CAPN7: variants seen among roughly 807,000 people sequenced by gnomAD.
The protein encoded by CAPN7 is calpain-7.
In CAPN7, 72 loss-of-function variants were observed where a neutral mutation model predicts 115.2. That is an observed-to-expected ratio of 0.63 (90% CI 0.52 to 0.76). The LOEUF (loss-of-function observed/expected upper bound fraction) is 0.76. Ranked by LOEUF, CAPN7 falls within the 30% of genes least tolerant of loss-of-function variation. CAPN7 has a pLI of 0.00. For missense variants in CAPN7, 905 were observed against 971.5 expected (o/e 0.93, Z 0.91); for synonymous variants, 344 against 322.3 (o/e 1.07, Z -0.72).
In CAPN7 at chr3:15,218,450, T is replaced by C. The variant is rs960311387; in HGVS notation, c.370-23T>C. ...TGAAAAATAATTATGCTTTAAAATG[T>C]CTGTCTCTTTCTTTCTCTTAAGTCT... On this transcript the variant is annotated intron_variant, in intron 3 of 20. Transcript: ENST00000253693. 5 of 1,556,358 alleles carry C rather than the reference T, an allele frequency of 3.2e-6. No individual in the cohort carries two copies. The South Asian group carries it at 4.6e-5, about 14-fold the overall frequency.
chr3:15,241,624 A>T (rs1402649497), intron 15 of CAPN7, 36 bp downstream of exon 15: 7 of 1,586,952 alleles, frequency 4.4e-6, no homozygotes, highest in East Asian at 2.2e-5. Context: ...CCATACAGAA[A>T]TTTTTTTAAT....
At chr3:15,247,728 A>G (rs1176250217) in intron 19 of CAPN7, among the ~76,000 whole-genome samples, 1 of 152,220 alleles carries the variant, frequency 6.6e-6, no homozygotes, top group African/African-American at 2.4e-5. Context: ...TACAGCTTCT[A>G]GATGATAATG....
chr3:15,240,441 T>A, intron 12 of CAPN7, 32 bp from the exon 13 acceptor site: 2 of 1,596,328 alleles, frequency 1.3e-6, no homozygotes, highest in Non-Finnish European at 1.7e-6. Context: ...GTTTTACAAC[T>A]TAATGTTATC....
Position 15,229,005 on chromosome 3 carries a change from C to CA in CAPN7, c.885dup (p.Leu296ThrfsTer8). 1.9e-6 allele frequency: 3 copies of CA among 1,613,216 alleles called. No individual in the cohort carries two copies. The highest frequency in any genetic ancestry group is 2.5e-6 in the Non-Finnish European group (3 of 1,179,378). On this transcript the variant is annotated frameshift_variant, in exon 8 of 21. Coordinates refer to ENST00000253693, the MANE Select transcript of CAPN7 (RefSeq NM_014296.3). LOFTEE classifies it high-confidence loss of function. ...GTATCGGATTGCTCCTTTGTGGCATCACTGGCCATCAGTGCAGCTTATGAA... is the reference window on the plus strand; with the variant it reads ...GTATCGGATTGCTCCTTTGTGGCATCAACTGGCCATCAGTGCAGCTTATGAA...
At chr3:15,221,176 AT>A in intron 5 of CAPN7, 195 bp downstream of exon 5, 1 of 430,988 alleles carries the variant, frequency 2.3e-6, no homozygotes, top group Non-Finnish European at 4.1e-6. Flanking sequence ...ATTTTATTTT[AT>A]TATTTTCATT....
chr3:15,230,056 A>G (rs1336874944), intron 8 of CAPN7, among the ~76,000 whole-genome samples: 4 of 152,194 alleles, frequency 2.6e-5, no homozygotes, highest in South Asian at 2.1e-4. Flanking sequence ...TCATGCAACT[A>G]TATGTCAAAG....
At chr3:15,249,558 T>C (rs1397205824) in intron 19 of CAPN7, among the ~76,000 whole-genome samples, 1 of 152,212 alleles carries the variant, frequency 6.6e-6, no homozygotes, top group Non-Finnish European at 1.5e-5. Flanking sequence ...AAAAAATTCA[T>C]ATGAATATAT....
Position 15,210,929 on chromosome 3 carries a change from T to C in CAPN7, c.103-1175T>C. On this transcript the variant is annotated intron_variant, in intron 1 of 20. Transcript: ENST00000253693. ...TTGGGTTACTGCAGAGAAGGTGCTG[T>C]TACTTGTAGAAATCTGTCTTTGCTT... 4 of 1,197,880 alleles carry C rather than the reference T, an allele frequency of 3.3e-6. No homozygotes were observed. The South Asian group carries it at 5.8e-5, about 18-fold the overall frequency. 74.2% of individuals were successfully genotyped at this position (1,197,880 alleles called of 1,614,324 possible).
At position 15,206,505 on chromosome 3, in the gene CAPN7, A is replaced by C. The variant is rs754723951; in HGVS notation, c.10A>C (p.Thr4Pro). The C allele has an allele frequency of 1.5e-5, 24 of 1,550,022 alleles. No homozygotes were observed. The highest frequency in any genetic ancestry group is 1.8e-5 in the Non-Finnish European group (21 of 1,147,438). ...GCGGGGCCACTGCGCCATGGACGCC[A>C]CAGCACTGGAGCGGGACGCTGTGCA... is the stretch of plus-strand genomic sequence containing the variant. MDA[T>P]ALERDAVQFA... The change falls in exon 1 of 21, where the codon ACA becomes CCA. Residue 4 changes from threonine to proline, a missense_variant. Thr to Pro is a conservative substitution (Grantham distance 38). Transcript: ENST00000253693.
intron 1 of CAPN7, among the ~76,000 whole-genome samples, chr3:15,208,412 C>T (rs1479272940): frequency 6.6e-6 from 1 of 151,074 alleles, no homozygotes; most frequent in Non-Finnish European, 1.5e-5. Flanking sequence ...CTCAGTCTCC[C>T]AATTGGTGGG....
intron 1 of CAPN7, 80 bp from the exon 2 acceptor site, chr3:15,212,024 C>A: frequency 1.5e-6 from 1 of 678,276 alleles, no homozygotes. Flanking sequence ...TCATGGAAAC[C>A]AATATTGAAT....
chr3:15,211,981 A>G, intron 1 of CAPN7, 123 bp from the exon 2 acceptor site: 1 of 488,848 alleles, frequency 2.0e-6, no homozygotes, highest in East Asian at 3.4e-5. Context: ...AATTACTATT[A>G]ATAATAATTT....
chr3:15,249,006 C>CAAAAAAAAAA (rs1460568964), intron 19 of CAPN7, among the ~76,000 whole-genome samples: 16 of 50,704 alleles, frequency 3.2e-4, no homozygotes, highest in African/African-American at 1.2e-3. Context: ...ATACAACAAC[C>CAAAAAAAAAA]AAAAAAAAAA....
chr3:15,230,450 A>G lies in CAPN7; in HGVS notation c.947A>G (p.Tyr316Cys). 3 of 1,607,292 alleles carry G rather than the reference A, an allele frequency of 1.9e-6. No homozygotes were observed. The highest frequency in any genetic ancestry group is 2.6e-6 in the Non-Finnish European group (3 of 1,173,968). Residue 316 changes from tyrosine to cysteine, a missense_variant, in exon 9 of 21, where the codon TAC becomes TGC. By Grantham distance (194) the Tyr-to-Cys change is radical. Transcript: ENST00000253693. ...TATTTTTCTTACAAAAGCATAATTT[A>G]CCCTCAAAACAAGGATGGTGAACCA... ...FNKKLITGIIYPQNKDGEPEY... is the reference protein window; with the variant it reads ...FNKKLITGIICPQNKDGEPEY...
Position 15,206,263 on chromosome 3 carries a change from C to G in CAPN7, c.-233C>G, listed in dbSNP as rs1485943581. 2 of 402,306 alleles carry G rather than the reference C, an allele frequency of 5.0e-6. No individual in the cohort carries two copies. The highest frequency in any genetic ancestry group is 2.1e-5 in the African/African-American group (1 of 46,902). 24.9% of individuals were successfully genotyped at this position (402,306 alleles called of 1,614,324 possible). ...GGCGGGGCGAGGGCCGCTGGGGCCG[C>G]GAAGTGGGGCGGCCGGGTGGGCTAC... On this transcript the variant is annotated 5_prime_UTR_variant, in exon 1 of 21. Coordinates refer to ENST00000253693, the MANE Select transcript of CAPN7 (RefSeq NM_014296.3).
intron 18 of CAPN7, 64 bp from the exon 19 acceptor site, chr3:15,247,263 G>C (rs969253464): frequency 5.2e-6 from 6 of 1,161,120 alleles, no homozygotes; most frequent in Non-Finnish European, 7.0e-6. Flanking sequence ...ATGGAAAGGA[G>C]TTTTGTCTTT....
intron 17 of CAPN7, 77 bp from the exon 18 acceptor site, chr3:15,246,655 C>G: frequency 9.4e-7 from 1 of 1,058,326 alleles, no homozygotes; most frequent in Non-Finnish European, 1.4e-6. Context: ...TTTTTTTAGT[C>G]TTCCAATATA....
rs1695680066 is a variant in CAPN7 at position 15,246,664 on chromosome 3, T to C, written c.2011-68T>C. 2.7e-6 allele frequency: 3 copies of C among 1,113,594 alleles called. No homozygotes were observed. The African/African-American group carries it at 4.6e-5, about 17-fold the overall frequency. 69.0% of individuals were successfully genotyped at this position (1,113,594 alleles called of 1,614,324 possible). A position where few individuals can be genotyped will look rare whatever the true frequency, so the allele number is the denominator to read the frequency against. On this transcript the variant is annotated intron_variant, in intron 17 of 20. Coordinates refer to ENST00000253693, the MANE Select transcript of CAPN7 (RefSeq NM_014296.3). The stretch of plus-strand genomic sequence containing the variant: ...AACTGATTTTTTTAGTCTTCCAATA[T>C]ATTCATGTATCACTTTGATGTTCTT...
intron 16 of CAPN7, 122 bp from the exon 17 acceptor site, chr3:15,245,401 CATT>C: frequency 1.3e-6 from 1 of 798,990 alleles, no homozygotes; most frequent in South Asian, 2.1e-5. Context: ...TCACTAATAT[CATT>C]ATATTTTAAG....
Sources: gnomAD v4.1 joint callset for allele counts (sites outside exome capture counted in the v4.1 genomes callset) on GRCh38, gnomAD v4.1.1 for gene constraint, MANE v1.5 for transcripts, NCBI Gene and HGNC (gene_info 2026-07-23, HGNC 2026-07-21) for gene names.